Variants in PIK3CD observed in about 807,000 individuals in gnomAD.
PIK3CD encodes phosphatidylinositol-4,5-bisphosphate 3-kinase catalytic subunit delta.
A neutral mutation model predicts 122.9 loss-of-function variants in PIK3CD; 20 were observed. That is an observed-to-expected ratio of 0.16 (90% CI 0.11 to 0.24). The LOEUF (loss-of-function observed/expected upper bound fraction) is 0.24, where lower values mean the gene tolerates loss of function less well. PIK3CD is among the 10% of genes least tolerant of loss of function. The pLI is 1.00. For synonymous variants in PIK3CD, 596 were observed against 593.4 expected, an observed-to-expected ratio of 1.00 and a Z score of -0.06; for missense variants, 787 against 1,406.3, an observed-to-expected ratio of 0.56 and a Z score of 7.04.
intron 1 of PIK3CD, among the ~76,000 whole-genome samples, chr1:9,685,985 C>G (rs1398150365): frequency 6.6e-6 from 1 of 152,142 alleles, no homozygotes; most frequent in Non-Finnish European, 1.5e-5. Flanking sequence ...AGAATTCCAG[C>G]CAGGTTGGAG....
Position 9,727,422 on chromosome 1 carries a change from C to CT in PIK3CD, c.*377dup. On this transcript the variant is annotated 3_prime_UTR_variant, in exon 24 of 24. Transcript: ENST00000377346. ...CTGGGTCCTGGCGCCTGGCGGTCAC[C>CT]TGGTGCCTACTGTCCGACAGGATGC... The CT allele has an allele frequency of 2.4e-6, 1 of 413,086 alleles. No individual in the cohort carries two copies. Among genetic ancestry groups the CT allele is most frequent in the South Asian group, 2.2e-5 (1 of 45,012 alleles). The allele number at this position is 413,086 out of a possible 1,614,324, so 25.6% of individuals were successfully genotyped here. A position where few individuals can be genotyped will look rare whatever the true frequency, so the allele number is the denominator to read the frequency against.
rs1647637900 is a variant in PIK3CD at position 9,717,254 on chromosome 1, C to T, written c.930+146C>T. On this transcript the variant is annotated intron_variant, in intron 7 of 23. Coordinates refer to ENST00000377346, the MANE Select transcript of PIK3CD (RefSeq NM_005026.5). This position sits in a 1 kb window ranked among gnomAD's most constrained non-coding sequence, Gnocchi z 5.4. ...TGGGGAAGCCAACACAGCTGACCAGCGTCCTGGGCTGGGGGCCTGTGGGAC... is the reference window on the plus strand; with the variant it reads ...TGGGGAAGCCAACACAGCTGACCAGTGTCCTGGGCTGGGGGCCTGTGGGAC... 4.5e-6 allele frequency: 5 copies of T among 1,102,024 alleles called. No homozygotes were observed. The South Asian group carries it at 5.3e-5, about 12-fold the overall frequency. 68.3% of individuals were successfully genotyped at this position (1,102,024 alleles called of 1,614,324 possible). A position where few individuals can be genotyped will look rare whatever the true frequency, so the allele number is the denominator to read the frequency against.
chr1:9,637,101 G>A, the PIK3CD span, among the ~76,000 whole-genome samples: 7 of 152,174 alleles, frequency 4.6e-5, no homozygotes, highest in South Asian at 6.2e-4. Flanking sequence ...GTTTCACTGT[G>A]TTAGCCAGGA....
chr1:9,725,054 C>A, intron 23 of PIK3CD, 118 bp downstream of exon 23: 1 of 1,289,700 alleles, frequency 7.8e-7, no homozygotes, highest in Non-Finnish European at 1.1e-6. Flanking sequence ...GCTGTGTGTG[C>A]CTCATGCCGT....
In PIK3CD at chr1:9,722,522, G is replaced by T. The variant is rs753863825; in HGVS notation, c.2348-6G>T. 1.2e-6 allele frequency: 2 copies of T among 1,612,894 alleles called. No individual in the cohort carries two copies. The highest frequency in any genetic ancestry group is 2.2e-5 in the South Asian group (2 of 91,054). On this transcript the variant is annotated splice_region_variant and splice_polypyrimidine_tract_variant and intron_variant, in intron 18 of 23. Coordinates refer to ENST00000377346, the MANE Select transcript of PIK3CD (RefSeq NM_005026.5). The surrounding 1 kb of genome is among the most constrained non-coding windows in gnomAD (Gnocchi z 7.6). ...ACGCTTCTCCTCCCACCGGCCGGTG[G>T]CACAGACCTCCGGCAGGACATGCTG...
chr1:9,628,833 C>T, the PIK3CD span, among the ~76,000 whole-genome samples: 4 of 151,752 alleles, frequency 2.6e-5, no homozygotes, highest in African/African-American at 7.3e-5. Flanking sequence ...AGACGAGCTG[C>T]GGTCAAGACT....
intron 1 of PIK3CD, among the ~76,000 whole-genome samples, chr1:9,656,190 G>A (rs750092796): frequency 6.6e-6 from 1 of 152,122 alleles, no homozygotes; most frequent in Non-Finnish European, 1.5e-5. Context: ...AGACCTATTT[G>A]GGATTTTTGG....
the PIK3CD span, among the ~76,000 whole-genome samples, chr1:9,635,731 C>T: frequency 3.3e-5 from 5 of 152,364 alleles, no homozygotes; most frequent in East Asian, 9.6e-4. Context: ...TGCCATCTTG[C>T]AATTGCCTGG....
In PIK3CD at chr1:9,722,765, G is replaced by A. The variant is rs754639332; in HGVS notation, c.2426+159G>A. Among the ~76,000 whole-genome samples the A allele has an allele frequency of 2.6e-5, 4 of 152,108 alleles. No homozygotes were observed. Among genetic ancestry groups the A allele is most frequent in the East Asian group, 1.9e-4 (1 of 5,174 alleles). ...GCGGTTTAACTCTAGGCCAGGAGGC[G>A]GCGGGCAGCAGGATGCGTGAAGGCT... On this transcript the variant is annotated intron_variant, in intron 19 of 23. Transcript: ENST00000377346. The surrounding 1 kb of genome is among the most constrained non-coding windows in gnomAD (Gnocchi z 7.6).
rs1429091457 is a variant in PIK3CD at position 9,728,962 on chromosome 1, G to GAAAC, written c.*1919_*1922dup. On this transcript the variant is annotated 3_prime_UTR_variant, in exon 24 of 24. Transcript: ENST00000377346. The stretch of plus-strand genomic sequence containing the variant: ...TTCTTTTATGTTCTCGGCTCAAAAA[G>GAAAC]AAACAAGGGAGTGTAGGTTTAAAAC... The GAAAC allele has an allele frequency of 1.3e-5, 2 of 152,198 alleles. No homozygotes were observed. Among genetic ancestry groups the GAAAC allele is most frequent in the Non-Finnish European group, 2.9e-5 (2 of 68,036 alleles). The allele number at this position is 152,198 out of a possible 1,614,324, so 9.4% of individuals were successfully genotyped here.
chr1:9,673,459 C>G (rs1180749148), intron 1 of PIK3CD, among the ~76,000 whole-genome samples: 2 of 152,138 alleles, frequency 1.3e-5, no homozygotes, highest in African/African-American at 2.4e-5. Flanking sequence ...TTGGTTTTCA[C>G]TATGTTGTTC....
chr1:9,669,212 A>G lies in PIK3CD; in HGVS notation c.-138+17410A>G, dbSNP rs570734689. On this transcript the variant is annotated intron_variant, in intron 1 of 23. Coordinates refer to ENST00000377346, the MANE Select transcript of PIK3CD (RefSeq NM_005026.5). Reference sequence around the variant, plus strand: ...GAGACAAGGTCTTGCTCTGTCACCCAGGGTGCAGTGCAGTGGAGCTATCAT... The same window carrying G: ...GAGACAAGGTCTTGCTCTGTCACCCGGGGTGCAGTGCAGTGGAGCTATCAT... Among the ~76,000 whole-genome samples the G allele has an allele frequency of 2.6e-5, 4 of 152,298 alleles. No homozygotes were observed. The East Asian group carries it at 7.7e-4, about 29-fold the overall frequency.
intron 1 of PIK3CD, among the ~76,000 whole-genome samples, chr1:9,679,590 A>C (rs1377405435): frequency 6.6e-6 from 1 of 151,660 alleles, no homozygotes; most frequent in Admixed American, 6.6e-5. Context: ...TCAGGCATGA[A>C]GAAGGCCCCT....
rs1052932266 is a variant in PIK3CD at position 9,719,125 on chromosome 1, C to T, written c.1242+210C>T. On this transcript the variant is annotated intron_variant, in intron 9 of 23. Transcript: ENST00000377346. The surrounding 1 kb of genome is among the most constrained non-coding windows in gnomAD (Gnocchi z 5.5). ...CTGGGCTCCTGGGCTCCTGTGCATG[C>T]GGCCTCAGAATATCTGGCCTGGGCT... Among the ~76,000 whole-genome samples, 4 of 152,354 alleles carry T rather than the reference C, an allele frequency of 2.6e-5. No individual in the cohort carries two copies. The highest frequency in any genetic ancestry group is 3.9e-4 in the East Asian group (2 of 5,184).
Position 9,721,194 on chromosome 1 carries a change from G to T in PIK3CD, c.1757G>T (p.Ser586Ile). The part of the protein sequence containing the change: ...VLSALELLDF[S>I]FPDCHVGSFA... ...AGCGCCCTGGAGCTGCTAGACTTCA[G>T]CTTCCCCGATTGCCACGTAGGCTCC... Residue 586 changes from serine to isoleucine, a missense_variant, in exon 14 of 24, where the codon AGC becomes ATC. Physicochemically the swap from Ser to Ile is moderately radical, Grantham distance 142. Coordinates refer to ENST00000377346, the MANE Select transcript of PIK3CD (RefSeq NM_005026.5). 6.2e-7 allele frequency: 1 copy of T among 1,613,442 alleles called. No individual in the cohort carries two copies.
rs552783181 is a variant in PIK3CD at position 9,721,348 on chromosome 1, T to C, written c.1812-96T>C. 1.2e-5 allele frequency: 19 copies of C among 1,608,546 alleles called. No individual in the cohort carries two copies. In the South Asian group the frequency reaches 2.1e-4, roughly 18 times the overall value. ...TGGGGCCTGAACCTTCCCGTGGGCT[T>C]GCTCCCTCCTGCCTGGCCTCCCTCT... On this transcript the variant is annotated intron_variant, in intron 14 of 23. Transcript: ENST00000377346.
At chr1:9,628,341 C>T in the PIK3CD span, among the ~76,000 whole-genome samples, 4 of 152,168 alleles carry the variant, frequency 2.6e-5, no homozygotes, top group Non-Finnish European at 5.9e-5. Flanking sequence ...GCAGAAACAT[C>T]CAGTCTCACA....
chr1:9,644,181 AGTTCTGCAGGGAC>A, the PIK3CD span, among the ~76,000 whole-genome samples: 96 of 152,290 alleles, frequency 6.3e-4, no homozygotes, highest in African/African-American at 2.2e-3. Flanking sequence ...TTGGAGGGGA[AGTTCTGCAGGGAC>A]GTTCTGCAGG....
At position 9,723,129 on chromosome 1, in the gene PIK3CD, A is replaced by T. The variant is rs768809863; in HGVS notation, c.2431A>T (p.Thr811Ser). 4.3e-6 allele frequency: 7 copies of T among 1,613,072 alleles called. No individual in the cohort carries two copies. The highest frequency in any genetic ancestry group is 1.3e-5 in the African/African-American group (1 of 74,858). The stretch of plus-strand genomic sequence containing the variant: ...TCCCTCTTCCCCCTTGCCTAGGATG[A>T]CCCCCTATGGCTGCCTCCCCACCGG... Reference protein sequence around the residue: ...WKQEGLDLRMTPYGCLPTGDR... With the variant: ...WKQEGLDLRMSPYGCLPTGDR... Residue 811 changes from threonine (T) to serine (S), a missense_variant, in exon 20 of 24, where the codon ACC (threonine) becomes TCC (serine). This residue lies in a region of PIK3CD where 69 missense variants were observed against 166.8 expected (regional missense o/e 0.41). Transcript: ENST00000377346. This position sits in a 1 kb window ranked among gnomAD's most constrained non-coding sequence, Gnocchi z 4.9.
Sources: gnomAD v4.1 joint callset for allele counts (sites outside exome capture counted in the v4.1 genomes callset) on GRCh38, gnomAD v4.1.1 for gene constraint, gnomAD v4.1.1 regional missense constraint, Gnocchi (gnomAD v3.1) non-coding constraint, MANE v1.5 for transcripts, NCBI Gene and HGNC (gene_info 2026-07-23, HGNC 2026-07-21) for gene names.